Variants in NXPH2 observed in about 807,000 individuals in gnomAD.
The protein encoded by NXPH2 is neurexophilin 2, also known as neurexophilin-2.
A neutral mutation model predicts 19.8 loss-of-function variants in NXPH2; 5 were observed. The ratio of observed to expected loss-of-function variants is 0.25; its 90% CI spans 0.13 to 0.53. NXPH2 has a LOEUF of 0.53. Ranked by LOEUF, NXPH2 falls within the 20% of genes least tolerant of loss-of-function variation. The pLI is 0.96. For synonymous variants in NXPH2, 154 were observed against 127.4 expected (o/e 1.21, Z -1.41); for missense variants, 289 against 322.8 (o/e 0.90, Z 0.80).
intron 1 of NXPH2, among the ~76,000 whole-genome samples, chr2:138,688,786 T>C (rs1251950970): frequency 6.6e-6 from 1 of 152,136 alleles, no homozygotes. Flanking sequence ...ATTTCATACA[T>C]AAAGTGTCTC....
At chr2:138,746,130 G>A (rs1175341175) in intron 1 of NXPH2, among the ~76,000 whole-genome samples, 2 of 152,204 alleles carry the variant, frequency 1.3e-5, no homozygotes, top group Non-Finnish European at 2.9e-5. Context: ...TTCTAAGAAG[G>A]TGTTAGAGGA....
At chr2:138,752,786 A>G (rs1681846516) in intron 1 of NXPH2, among the ~76,000 whole-genome samples, 1 of 151,974 alleles carries the variant, frequency 6.6e-6, no homozygotes, top group Admixed American at 6.6e-5. Context: ...CGACCTTAGC[A>G]GTTTTGAGGA....
intron 1 of NXPH2, among the ~76,000 whole-genome samples, chr2:138,771,427 A>T (rs1365087678): frequency 6.6e-6 from 1 of 152,120 alleles, no homozygotes; most frequent in Non-Finnish European, 1.5e-5. Context: ...GAGGTGGCAG[A>T]AAGCAGGCAG....
At chr2:138,676,956 G>T (rs1443260430) in intron 1 of NXPH2, among the ~76,000 whole-genome samples, 1 of 152,188 alleles carries the variant, frequency 6.6e-6, no homozygotes, top group Non-Finnish European at 1.5e-5. Flanking sequence ...CCAACAAAAT[G>T]TGTTTGTAGA....
chr2:138,680,020 T>A (rs1680549019), intron 1 of NXPH2, among the ~76,000 whole-genome samples: 1 of 151,452 alleles, frequency 6.6e-6, no homozygotes. Context: ...ATCAGAAAAA[T>A]TGTCCCAAGA....
At chr2:138,709,334 T>C (rs776425399) in intron 1 of NXPH2, among the ~76,000 whole-genome samples, 4 of 152,202 alleles carry the variant, frequency 2.6e-5, no homozygotes, top group African/African-American at 9.7e-5. Context: ...GAAATAGAGA[T>C]AACAAAATTT....
intron 1 of NXPH2, among the ~76,000 whole-genome samples, chr2:138,764,747 T>C (rs902467581): frequency 6.6e-6 from 1 of 152,196 alleles, no homozygotes; most frequent in Non-Finnish European, 1.5e-5. Flanking sequence ...GAACTACAAA[T>C]TAGCTTTGCT....
In NXPH2 at chr2:138,679,491, C is replaced by T. The variant is rs62163191; in HGVS notation, c.52-7826G>A. Among the ~76,000 whole-genome samples, 247 of 151,770 alleles carry T rather than the reference C, an allele frequency of 1.6e-3. 1 individual carries two copies. The highest frequency in any genetic ancestry group is 6.9e-3 in the South Asian group (33 of 4,796). On this transcript the variant is annotated intron_variant, in intron 1 of 1. Coordinates refer to ENST00000272641, the MANE Select transcript of NXPH2 (RefSeq NM_007226.3). Reference sequence around the variant, plus strand: ...TCTCGGCTCACTGCAAGCTCCACCTCCCGGGTTCACGCCATTCTCCTGCCT... The same window carrying T: ...TCTCGGCTCACTGCAAGCTCCACCTTCCGGGTTCACGCCATTCTCCTGCCT...
At chr2:138,706,609 T>G (rs922065004) in intron 1 of NXPH2, among the ~76,000 whole-genome samples, 1 of 152,234 alleles carries the variant, frequency 6.6e-6, no homozygotes, top group African/African-American at 2.4e-5. Context: ...AGAAAAAAGT[T>G]GTTCTTTATA....
Position 138,671,602 on chromosome 2 carries a change from C to T in NXPH2, c.115G>A (p.Ala39Thr), listed in dbSNP as rs1458236728. 3 of 1,609,698 alleles carry T rather than the reference C, an allele frequency of 1.9e-6. No individual in the cohort carries two copies. Among genetic ancestry groups the T allele is most frequent in the South Asian group, 1.1e-5 (1 of 90,094 alleles). ...TEGLDWEDKD[A>T]PGTLVGNVVH... ...ACGTTGCCGACCAACGTCCCTGGAG[C>T]ATCTTTGTCTTCCCAATCCAGCCCC... The change falls in exon 2 of 2, where the codon GCT (alanine) becomes ACT (threonine). Residue 39 changes from alanine (A) to threonine (T), a missense_variant. Ala to Thr is a moderately conservative substitution (Grantham distance 58). Coordinates refer to ENST00000272641, the MANE Select transcript of NXPH2 (RefSeq NM_007226.3).
chr2:138,743,530 A>G (rs757516965), intron 1 of NXPH2, among the ~76,000 whole-genome samples: 3 of 152,192 alleles, frequency 2.0e-5, no homozygotes, highest in Non-Finnish European at 4.4e-5. Context: ...GAGAGCAGGG[A>G]GGAGATGAAG....
chr2:138,713,314 G>C (rs1218163349), intron 1 of NXPH2, among the ~76,000 whole-genome samples: 1 of 152,138 alleles, frequency 6.6e-6, no homozygotes, highest in East Asian at 1.9e-4. Context: ...ATTTGTTGTT[G>C]ACCCAAACGG....
intron 1 of NXPH2, among the ~76,000 whole-genome samples, chr2:138,747,845 C>T (rs1240366654): frequency 2.0e-5 from 3 of 152,172 alleles, no homozygotes; most frequent in South Asian, 4.1e-4. Context: ...AATTTGTCTA[C>T]GCTGCCTCCC....
intron 1 of NXPH2, among the ~76,000 whole-genome samples, chr2:138,671,932 C>T (rs950908547): frequency 6.6e-6 from 1 of 152,124 alleles, no homozygotes; most frequent in Non-Finnish European, 1.5e-5. Flanking sequence ...GTCTCTGTTT[C>T]CTGATCTTCA....
At chr2:138,747,923 C>A (rs939714916) in intron 1 of NXPH2, among the ~76,000 whole-genome samples, 6 of 152,200 alleles carry the variant, frequency 3.9e-5, no homozygotes, top group African/African-American at 1.2e-4. Flanking sequence ...TCCACACCTT[C>A]CCTAGAGGCT....
Position 138,700,160 on chromosome 2 carries a change from C to T in NXPH2, c.52-28495G>A, listed in dbSNP as rs1680897797. On this transcript the variant is annotated intron_variant, in intron 1 of 1. Coordinates refer to ENST00000272641, the MANE Select transcript of NXPH2 (RefSeq NM_007226.3). ...AGTGCACCCTGGAAAATAAGCAGAACCCAAGTCCCCAAATCCCTTTATTAT... is the reference window on the plus strand; with the variant it reads ...AGTGCACCCTGGAAAATAAGCAGAATCCAAGTCCCCAAATCCCTTTATTAT... Among the ~76,000 whole-genome samples, 3 of 152,256 alleles carry T rather than the reference C, an allele frequency of 2.0e-5. No individual in the cohort carries two copies. The South Asian group carries it at 6.2e-4, about 32-fold the overall frequency.
chr2:138,767,208 T>C (rs1682104935), intron 1 of NXPH2, among the ~76,000 whole-genome samples: 1 of 152,230 alleles, frequency 6.6e-6, no homozygotes, highest in Non-Finnish European at 1.5e-5. Context: ...ATGAAGCTGA[T>C]ATAACGTCAG....
chr2:138,742,624 G>T (rs536647241), intron 1 of NXPH2, among the ~76,000 whole-genome samples: 4 of 152,256 alleles, frequency 2.6e-5, no homozygotes, highest in African/African-American at 9.6e-5. Context: ...ACACCAGCAG[G>T]GCAAATGAAT....
chr2:138,760,902 C>G (rs955865173), intron 1 of NXPH2, among the ~76,000 whole-genome samples: 1 of 152,134 alleles, frequency 6.6e-6, no homozygotes, highest in African/African-American at 2.4e-5. Flanking sequence ...GGAGAACAAT[C>G]ATTTCAACTC....
Sources: allele counts gnomAD v4.1 joint callset (sites outside exome capture counted in the v4.1 genomes callset), GRCh38; gene constraint gnomAD v4.1.1; transcripts MANE v1.5; gene names NCBI Gene and HGNC (gene_info 2026-07-23, HGNC 2026-07-21).